Variants in TRIM75 observed in about 807,000 individuals in gnomAD.
TRIM75 encodes tripartite motif-containing protein 75.
At chr4:165,056,590 CTG>C in the TRIM75 span, among the ~76,000 whole-genome samples, 1 of 125,346 alleles carries the variant, frequency 8.0e-6, no homozygotes, top group Non-Finnish European at 1.7e-5. Flanking sequence ...TTTTCTTTCT[CTG>C]TCTCTGTCTC....
At chr4:165,059,714 C>T in the TRIM75 span, 2 of 780,894 alleles carry the variant, frequency 2.6e-6, no homozygotes, top group South Asian at 1.3e-5. Context: ...AATTTGAGCA[C>T]CTCAACCAGT....
the TRIM75 span, among the ~76,000 whole-genome samples, chr4:165,057,479 G>C: frequency 6.6e-6 from 1 of 152,150 alleles, no homozygotes; most frequent in South Asian, 2.1e-4. Flanking sequence ...TATAGGATTA[G>C]CATTGTCAAA....
the TRIM75 span, among the ~76,000 whole-genome samples, chr4:165,058,122 G>A: frequency 6.6e-6 from 1 of 152,142 alleles, no homozygotes; most frequent in Admixed American, 6.5e-5. Flanking sequence ...GGATGTAAGA[G>A]CAAGGTAAAT....
the TRIM75 span, among the ~76,000 whole-genome samples, chr4:165,054,266 A>ATTTTTTTTTT: frequency 2.1e-5 from 2 of 96,876 alleles, no homozygotes; most frequent in Non-Finnish European, 4.0e-5. Context: ...TAATTTGTGT[A>ATTTTTTTTTT]TTTTTTTTTT....
At chr4:165,057,532 T>A in the TRIM75 span, among the ~76,000 whole-genome samples, 1 of 152,192 alleles carries the variant, frequency 6.6e-6, no homozygotes, top group Admixed American at 6.5e-5. Context: ...TTTTTTGTTT[T>A]TTGTTTTTTG....
At chr4:165,056,450 C>T in the TRIM75 span, among the ~76,000 whole-genome samples, 2 of 151,848 alleles carry the variant, frequency 1.3e-5, no homozygotes, top group African/African-American at 4.8e-5. Flanking sequence ...ATGCCATGGA[C>T]TATGCTGTCT....
chr4:165,060,307 T>C, the TRIM75 span: 3 of 780,820 alleles, frequency 3.8e-6, no homozygotes, highest in East Asian at 2.4e-5. Flanking sequence ...TGTTGGAGAA[T>C]TGAGCTGCAA....
At chr4:165,059,138 C>T in the TRIM75 span, 17 of 764,172 alleles carry the variant, frequency 2.2e-5, no homozygotes, top group Non-Finnish European at 3.4e-5. Flanking sequence ...AGACCTTCAC[C>T]GACAGCCCAA....
chr4:165,059,116 C>T, the TRIM75 span: 2 of 730,094 alleles, frequency 2.7e-6, no homozygotes, highest in Admixed American at 1.9e-5. Flanking sequence ...TGAAGAAAGC[C>T]CACCTTGGTC....
chr4:165,060,175 A>G, the TRIM75 span: 1 of 780,894 alleles, frequency 1.3e-6, no homozygotes, highest in Middle Eastern at 2.3e-4. Context: ...GGTTTTCCGT[A>G]TTTTCATTCT....
At chr4:165,059,527 G>A in the TRIM75 span, 2 of 780,782 alleles carry the variant, frequency 2.6e-6, no homozygotes, top group Non-Finnish European at 4.8e-6. Context: ...GACCACCAGG[G>A]CCACCATGTG....
chr4:165,055,572 T>C, the TRIM75 span, among the ~76,000 whole-genome samples: 3 of 151,232 alleles, frequency 2.0e-5, no homozygotes, highest in East Asian at 2.0e-4. Context: ...TGTGAGCCAC[T>C]GTGCCCGGCG....
At chr4:165,056,139 C>G in the TRIM75 span, among the ~76,000 whole-genome samples, 1 of 151,918 alleles carries the variant, frequency 6.6e-6, no homozygotes, top group East Asian at 1.9e-4. Context: ...GTTGGCCAGG[C>G]TGGGAGACCC....
At chr4:165,060,134 A>G in the TRIM75 span, 1 of 780,832 alleles carries the variant, frequency 1.3e-6, no homozygotes, top group Admixed American at 1.7e-5. Flanking sequence ...CTGGTTTCCC[A>G]AAAAGATTTA....
At chr4:165,056,872 C>T in the TRIM75 span, among the ~76,000 whole-genome samples, 1 of 152,098 alleles carries the variant, frequency 6.6e-6, no homozygotes, top group Non-Finnish European at 1.5e-5. Context: ...CCGCCTTGGC[C>T]TCCCAAAGTG....
chr4:165,060,119 G>A, the TRIM75 span: 1 of 780,884 alleles, frequency 1.3e-6, no homozygotes, highest in South Asian at 1.3e-5. Context: ...GAAAACAAAA[G>A]GTTCCTGGTT....
the TRIM75 span, among the ~76,000 whole-genome samples, chr4:165,057,697 AT>A: frequency 2.6e-5 from 4 of 151,846 alleles, no homozygotes; most frequent in African/African-American, 4.8e-5. Context: ...TGCCAGGCTA[AT>A]TTTTTTTGTA....
At chr4:165,059,438 C>T in the TRIM75 span, 17 of 780,858 alleles carry the variant, frequency 2.2e-5, no homozygotes, top group Admixed American at 2.0e-4. Context: ...CCACCTTGTG[C>T]GAGAAACACA....
At chr4:165,059,410 A>T in the TRIM75 span, 1 of 780,848 alleles carries the variant, frequency 1.3e-6, no homozygotes, top group Non-Finnish European at 2.4e-6. Context: ...AAGAGTAATA[A>T]AAGGAAGCAG....
Sources: allele counts gnomAD v4.1 joint callset (sites outside exome capture counted in the v4.1 genomes callset), GRCh38; gene constraint gnomAD v4.1.1; transcripts MANE v1.5; gene names NCBI Gene and HGNC (gene_info 2026-07-23, HGNC 2026-07-21).